Variants in PPP1R12B observed in about 807,000 individuals in gnomAD.
PPP1R12B encodes the protein protein phosphatase 1 regulatory subunit 12B.
PPP1R12B carries 76 observed loss-of-function variants against 126.1 expected under a neutral mutation model. The ratio of observed to expected loss-of-function variants is 0.60; its 90% CI spans 0.50 to 0.73. The LOEUF (loss-of-function observed/expected upper bound fraction) is 0.73. Among genes scored for constraint, PPP1R12B ranks in the 30% least tolerant of loss-of-function variants. PPP1R12B has a pLI of 0.00. For missense variants in PPP1R12B, 1,052 were observed against 1,205.1 expected (o/e 0.87, Z 1.88); for synonymous variants, 356 against 434.7 (o/e 0.82, Z 2.25).
intron 1 of PPP1R12B, among the ~76,000 whole-genome samples, chr1:202,391,659 A>G (rs1374038281): frequency 3.0e-5 from 2 of 66,358 alleles, no homozygotes; most frequent in African/African-American, 1.2e-4. Context: ...CTTCAGGTGT[A>G]CTGAAGATAA....
At chr1:202,349,680 G>A (rs2148354586) in intron 1 of PPP1R12B, among the ~76,000 whole-genome samples, 1 of 152,262 alleles carries the variant, frequency 6.6e-6, no homozygotes, top group South Asian at 2.1e-4. Flanking sequence ...CTAGGCTACA[G>A]CTCCTAGAAC....
chr1:202,426,767 C>T (rs2148650431), intron 4 of PPP1R12B, among the ~76,000 whole-genome samples: 1 of 152,274 alleles, frequency 6.6e-6, no homozygotes, highest in South Asian at 2.1e-4. Flanking sequence ...ATCTTAGGTA[C>T]ATACGTTTCC....
At chr1:202,356,229 A>G (rs190711982) in intron 1 of PPP1R12B, among the ~76,000 whole-genome samples, 154 of 152,294 alleles carry the variant, frequency 1.0e-3, no homozygotes, top group African/African-American at 3.5e-3. Flanking sequence ...GTAGGTATCT[A>G]TGTGACTCAA....
intron 1 of PPP1R12B, among the ~76,000 whole-genome samples, chr1:202,385,667 GGTTCAGGAAGGTGA>G (rs1427263780): frequency 2.0e-5 from 3 of 152,112 alleles, no homozygotes; most frequent in Non-Finnish European, 4.4e-5. Context: ...AAAAACCTGA[GGTTCAGGAAGGTGA>G]AGTGAGTTGT....
intron 18 of PPP1R12B, among the ~76,000 whole-genome samples, chr1:202,503,215 G>A (rs1050983525): frequency 6.6e-6 from 1 of 152,148 alleles, no homozygotes; most frequent in Non-Finnish European, 1.5e-5. Context: ...TTTGAAGTTA[G>A]AACCAATGAG....
At chr1:202,427,732 C>T (rs1669720841) in intron 5 of PPP1R12B, among the ~76,000 whole-genome samples, 1 of 152,106 alleles carries the variant, frequency 6.6e-6, no homozygotes, top group Non-Finnish European at 1.5e-5. Flanking sequence ...GCAGGCTCCA[C>T]CTCTCAAGTT....
chr1:202,446,346 C>T lies in PPP1R12B; in HGVS notation c.1668-2643C>T, dbSNP rs192105189. Among the ~76,000 whole-genome samples, 517 of 145,644 alleles carry T rather than the reference C, an allele frequency of 3.5e-3. 1 individual carries two copies. Among genetic ancestry groups the T allele is most frequent in the African/African-American group, 0.012 (481 of 39,836 alleles). On this transcript the variant is annotated intron_variant, in intron 12 of 23. Coordinates refer to ENST00000608999, the MANE Select transcript of PPP1R12B (RefSeq NM_002481.4). ...TTGGCTGACTGCAACCTTCACCTCC[C>T]GGGCTCGAGCAATTCTTCTGCCTCA...
At chr1:202,438,141 A>G in intron 10 of PPP1R12B, 117 bp downstream of exon 10, 31 of 1,564,346 alleles carry the variant, frequency 2.0e-5, no homozygotes, top group Non-Finnish European at 2.6e-5. Context: ...GGAAATGCAA[A>G]GTCTTTAAAG....
At chr1:202,507,750 C>T (rs185408188) in intron 18 of PPP1R12B, among the ~76,000 whole-genome samples, 6 of 152,230 alleles carry the variant, frequency 3.9e-5, no homozygotes, top group Non-Finnish European at 8.8e-5. Context: ...CCTATGATGG[C>T]GTTGATCATA....
At chr1:202,397,719 G>GA (rs1056527915) in intron 1 of PPP1R12B, among the ~76,000 whole-genome samples, 8 of 151,964 alleles carry the variant, frequency 5.3e-5, no homozygotes, top group Non-Finnish European at 1.2e-4. Flanking sequence ...CATATTGGAA[G>GA]AAAAAAAGTT....
In PPP1R12B at chr1:202,427,102, A is replaced by G. The variant is rs1444669343; in HGVS notation, c.764A>G (p.His255Arg). The change falls in exon 5 of 24, where the codon CAT becomes CGT. Residue 255 changes from histidine (H) to arginine (R), a missense_variant. Physicochemically the swap from His to Arg is conservative, Grantham distance 29. Transcript: ENST00000608999. ...GATTATGATGGCTGGACTCCCCTCC[A>G]TGCTGCTGCACACTGGGGAGTGAAG... ...VQDYDGWTPLHAAAHWGVKEA... is the reference protein window; with the variant it reads ...VQDYDGWTPLRAAAHWGVKEA... 2 of 1,614,152 alleles carry G rather than the reference A, an allele frequency of 1.2e-6. No homozygotes were observed.
At chr1:202,540,251 A>AT in intron 18 of PPP1R12B, 2 of 1,561,254 alleles carry the variant, frequency 1.3e-6, no homozygotes, top group South Asian at 1.1e-5. Flanking sequence ...AGTAAGCAGC[A>AT]TTTTTTATTT....
At chr1:202,352,899 A>AAAAAGT (rs1470619825) in intron 1 of PPP1R12B, among the ~76,000 whole-genome samples, 1 of 143,388 alleles carries the variant, frequency 7.0e-6, no homozygotes, top group Non-Finnish European at 1.6e-5. Flanking sequence ...AAAAAAAAAG[A>AAAAAGT]AAAAAGAAAT....
At chr1:202,432,291 C>CA (rs1670284232) in intron 8 of PPP1R12B, among the ~76,000 whole-genome samples, 1 of 149,124 alleles carries the variant, frequency 6.7e-6, no homozygotes, top group Non-Finnish European at 1.5e-5. Context: ...TTTTTTGAGA[C>CA]AGAGTCTCGC....
At chr1:202,395,330 C>A (rs1272419403) in intron 1 of PPP1R12B, among the ~76,000 whole-genome samples, 1 of 152,036 alleles carries the variant, frequency 6.6e-6, no homozygotes, top group African/African-American at 2.4e-5. Flanking sequence ...TCCCCATTGT[C>A]ACTTCCTGAG....
Position 202,508,849 on chromosome 1 carries a change from A to G in PPP1R12B, c.2490+12027A>G, listed in dbSNP as rs563936262. Among the ~76,000 whole-genome samples, 1 of 152,186 alleles carries G rather than the reference A, an allele frequency of 6.6e-6. No homozygotes were observed. The highest frequency in any genetic ancestry group is 1.5e-5 in the Non-Finnish European group (1 of 68,030). ...GTGGTGGGACAGTGGTAGCAGCCTCACTTCATCTTTGGCACGTGATGCTCT... is the reference window on the plus strand; with the variant it reads ...GTGGTGGGACAGTGGTAGCAGCCTCGCTTCATCTTTGGCACGTGATGCTCT... On this transcript the variant is annotated intron_variant, in intron 18 of 23. Transcript: ENST00000608999. The surrounding 1 kb of genome is among the most constrained non-coding windows in gnomAD (Gnocchi z 4.5).
intron 13 of PPP1R12B, among the ~76,000 whole-genome samples, chr1:202,470,770 G>A (rs1240845998): frequency 2.6e-5 from 4 of 151,818 alleles, no homozygotes; most frequent in African/African-American, 9.7e-5. Flanking sequence ...CCAGGCCTGG[G>A]AGCCTGTGCC....
intron 13 of PPP1R12B, among the ~76,000 whole-genome samples, chr1:202,456,985 A>G (rs975846344): frequency 4.6e-5 from 7 of 152,258 alleles, no homozygotes; most frequent in Non-Finnish European, 1.0e-4. Flanking sequence ...ATGTAATAAA[A>G]GTTTTAAATG....
chr1:202,424,093 A>G (rs1413608819), intron 3 of PPP1R12B, among the ~76,000 whole-genome samples: 1 of 152,242 alleles, frequency 6.6e-6, no homozygotes, highest in Non-Finnish European at 1.5e-5. Context: ...TAAAAAAATC[A>G]GTTTTAAAAA....
Sources: gnomAD v4.1 joint callset for allele counts (sites outside exome capture counted in the v4.1 genomes callset) on GRCh38, gnomAD v4.1.1 for gene constraint, Gnocchi (gnomAD v3.1) non-coding constraint, MANE v1.5 for transcripts, NCBI Gene and HGNC (gene_info 2026-07-23, HGNC 2026-07-21) for gene names.